Variants in RARB observed in about 807,000 individuals in gnomAD.
RARB encodes the protein HBV-activated protein.
RARB carries 17 observed loss-of-function variants against 51.9 expected under a neutral mutation model. That is an observed-to-expected ratio of 0.33 (90% CI 0.22 to 0.49). The LOEUF is 0.49. Among genes scored for constraint, RARB ranks in the 20% least tolerant of loss-of-function variants. RARB has a pLI of 0.99. For missense variants in RARB, 369 were observed against 550.8 expected (o/e 0.67, Z 3.30); for synonymous variants, 215 against 195.4 (o/e 1.10, Z -0.84).
At chr3:25,062,602 A>G (rs539658174) in intron 3 of RARB, among the ~76,000 whole-genome samples, 4 of 151,992 alleles carry the variant, frequency 2.6e-5, no homozygotes, top group Non-Finnish European at 5.9e-5. Flanking sequence ...AAGTATTGAT[A>G]CTTGCTATAA....
At chr3:25,586,677 T>G (rs1218320110) in intron 5 of RARB, among the ~76,000 whole-genome samples, 2 of 152,190 alleles carry the variant, frequency 1.3e-5, no homozygotes, top group African/African-American at 2.4e-5. Flanking sequence ...CTGTGTGACT[T>G]CAAAATGTGA....
At chr3:25,090,241 T>C (rs1215963966) in intron 3 of RARB, among the ~76,000 whole-genome samples, 1 of 152,126 alleles carries the variant, frequency 6.6e-6, no homozygotes, top group Non-Finnish European at 1.5e-5. Flanking sequence ...CTGAGAACCA[T>C]GCATACTTCT....
At chr3:25,217,952 C>A (rs530686810) in intron 5 of RARB, among the ~76,000 whole-genome samples, 1 of 152,254 alleles carries the variant, frequency 6.6e-6, no homozygotes, top group African/African-American at 2.4e-5. Flanking sequence ...GATTTAAGCC[C>A]CATGAATCCA....
intron 1 of RARB, among the ~76,000 whole-genome samples, chr3:24,855,837 C>T (rs1462713763): frequency 9.4e-5 from 14 of 149,558 alleles, no homozygotes; most frequent in African/African-American, 1.5e-4. Flanking sequence ...CTGCAAGCTC[C>T]GCGTCCCGGG....
chr3:24,975,560 A>G (rs2125421065), intron 2 of RARB, among the ~76,000 whole-genome samples: 1 of 152,306 alleles, frequency 6.6e-6, no homozygotes, highest in South Asian at 2.1e-4. Context: ...AATTTGCTCT[A>G]ACATCCCTCC....
intron 4 of RARB, among the ~76,000 whole-genome samples, chr3:25,144,536 A>G (rs1700157427): frequency 1.3e-5 from 2 of 152,218 alleles, no homozygotes; most frequent in Non-Finnish European, 2.9e-5. Flanking sequence ...AAAAGTGGCA[A>G]TGTGATGTAG....
At chr3:25,364,247 T>G (rs1383521473) in intron 5 of RARB, among the ~76,000 whole-genome samples, 1 of 152,184 alleles carries the variant, frequency 6.6e-6, no homozygotes, top group Non-Finnish European at 1.5e-5. Context: ...GAACAGTATC[T>G]GGCACAGAGC....
chr3:24,973,075 C>A (rs758540197), intron 2 of RARB, among the ~76,000 whole-genome samples: 6 of 151,942 alleles, frequency 3.9e-5, no homozygotes, highest in Non-Finnish European at 8.8e-5. Flanking sequence ...GAAGCATTTC[C>A]CCAAAAGTTT....
At chr3:25,194,454 A>T (rs1385654160) in intron 5 of RARB, among the ~76,000 whole-genome samples, 1 of 151,014 alleles carries the variant, frequency 6.6e-6, no homozygotes, top group African/African-American at 2.4e-5. Flanking sequence ...AGTAGTAATC[A>T]AATAGTATAT....
At chr3:25,114,380 A>C (rs41530749) in intron 3 of RARB, among the ~76,000 whole-genome samples, 22,313 of 152,196 alleles carry the variant, frequency 0.15, 1,827 homozygotes, top group Non-Finnish European at 0.2. Flanking sequence ...CTTGGAAATA[A>C]TTGAGAGTTT....
At chr3:25,232,138 G>A (rs947273926) in intron 5 of RARB, among the ~76,000 whole-genome samples, 1 of 152,002 alleles carries the variant, frequency 6.6e-6, no homozygotes, top group Non-Finnish European at 1.5e-5. Flanking sequence ...TTGCACTTTT[G>A]TAAAAGGTTA....
intron 2 of RARB, among the ~76,000 whole-genome samples, chr3:24,986,900 T>G (rs1471807537): frequency 6.6e-6 from 1 of 152,140 alleles, no homozygotes. Flanking sequence ...GGTGCTATGC[T>G]TCAGCTGGGC....
Position 25,532,802 on chromosome 3 carries a change from C to T in RARB, c.448+31479C>T, listed in dbSNP as rs563861943. The stretch of plus-strand genomic sequence containing the variant: ...TCTTTGTTGAGAGTGGCTCAGACAC[C>T]GAGCCACAAGATGAGAGAATTCCTC... On this transcript the variant is annotated intron_variant, in intron 3 of 7. Coordinates refer to ENST00000330688, the MANE Select transcript of RARB (RefSeq NM_000965.5). Among the ~76,000 whole-genome samples, 124 of 152,214 alleles carry T rather than the reference C, an allele frequency of 8.1e-4. 2 individuals are homozygous for T. In the South Asian group the frequency reaches 0.02, roughly 25 times the overall value.
intron 5 of RARB, among the ~76,000 whole-genome samples, chr3:25,373,813 G>T (rs925640034): frequency 6.6e-6 from 1 of 152,072 alleles, no homozygotes; most frequent in Non-Finnish European, 1.5e-5. Flanking sequence ...CTTTAGAGAG[G>T]CCATTTGTCT....
chr3:25,027,394 G>T (rs1419598054), intron 2 of RARB, among the ~76,000 whole-genome samples: 2 of 152,120 alleles, frequency 1.3e-5, no homozygotes, highest in African/African-American at 4.8e-5. Flanking sequence ...CTGAGCCCCA[G>T]TTTCCTTCTC....
intron 1 of RARB, among the ~76,000 whole-genome samples, chr3:25,443,614 A>AAT (rs1251157872): frequency 6.8e-5 from 7 of 102,646 alleles, no homozygotes; most frequent in Middle Eastern, 4.5e-3. Flanking sequence ...GTCCATCTAA[A>AAT]ATATATATAA....
intron 4 of RARB, among the ~76,000 whole-genome samples, chr3:25,573,410 C>A (rs1700789166): frequency 6.6e-6 from 1 of 152,188 alleles, no homozygotes; most frequent in Non-Finnish European, 1.5e-5. Context: ...TTGTACCTCC[C>A]AGTCAGGCAG....
intron 2 of RARB, among the ~76,000 whole-genome samples, chr3:24,969,616 T>C (rs879755001): frequency 1.3e-5 from 2 of 152,248 alleles, no homozygotes; most frequent in East Asian, 3.9e-4. Flanking sequence ...CTTATGTCTT[T>C]CTCAATACAT....
intron 1 of RARB, among the ~76,000 whole-genome samples, chr3:25,456,017 A>G (rs968731852): frequency 6.6e-6 from 1 of 152,122 alleles, no homozygotes; most frequent in Admixed American, 6.5e-5. Context: ...AAGTCTAAAA[A>G]CTGCTTTTTT....
Sources: allele counts gnomAD v4.1 joint callset (sites outside exome capture counted in the v4.1 genomes callset), GRCh38; gene constraint gnomAD v4.1.1; transcripts MANE v1.5; gene names NCBI Gene and HGNC (gene_info 2026-07-23, HGNC 2026-07-21).